TAFA1: variants seen among roughly 807,000 people sequenced by gnomAD.
TAFA1 encodes chemokine-like protein TAFA-1.
A neutral mutation model predicts 18.5 loss-of-function variants in TAFA1; 4 were observed. The observed-to-expected ratio is 0.22, with a 90% CI of 0.11 to 0.49. The LOEUF (loss-of-function observed/expected upper bound fraction) is 0.49. TAFA1 is among the 20% of genes least tolerant of loss of function. TAFA1 has a pLI of 0.98. For synonymous variants in TAFA1, 56 were observed against 55.2 expected (o/e 1.01, Z -0.06); for missense variants, 147 against 169.0 (o/e 0.87, Z 0.72).
At chr3:68,096,215 A>G (rs138807953) in intron 2 of TAFA1, among the ~76,000 whole-genome samples, 339 of 152,288 alleles carry the variant, frequency 2.2e-3, no homozygotes, top group Non-Finnish European at 3.8e-3. Context: ...TTTACTTAAC[A>G]TAATGATCTC....
intron 2 of TAFA1, among the ~76,000 whole-genome samples, chr3:68,238,412 G>A (rs928287397): frequency 1.3e-5 from 2 of 152,150 alleles, no homozygotes; most frequent in Admixed American, 6.5e-5. Context: ...CTGAAGAATC[G>A]GCAATGTGAT....
At chr3:68,145,893 G>A (rs2065734253) in intron 2 of TAFA1, among the ~76,000 whole-genome samples, 2 of 152,044 alleles carry the variant, frequency 1.3e-5, no homozygotes, top group Admixed American at 1.3e-4. Context: ...TCTTTCAAAG[G>A]GTATAGCCTC....
chr3:68,484,151 T>C (rs2106663988), intron 3 of TAFA1, among the ~76,000 whole-genome samples: 1 of 152,384 alleles, frequency 6.6e-6, no homozygotes, highest in South Asian at 2.1e-4. Context: ...ATAAAAATTA[T>C]TAACGAGTTA....
intron 2 of TAFA1, among the ~76,000 whole-genome samples, chr3:68,395,781 G>T (rs532593365): frequency 3.9e-5 from 6 of 152,074 alleles, no homozygotes; most frequent in African/African-American, 1.2e-4. Flanking sequence ...TCAGGGAGGG[G>T]AATATCACAC....
At chr3:68,369,138 A>G (rs991867750) in intron 2 of TAFA1, among the ~76,000 whole-genome samples, 2 of 152,166 alleles carry the variant, frequency 1.3e-5, no homozygotes, top group Non-Finnish European at 2.9e-5. Flanking sequence ...CCTAGTTAGA[A>G]GAGAGATGTT....
chr3:68,155,660 G>A (rs2065859550), intron 2 of TAFA1, among the ~76,000 whole-genome samples: 1 of 152,100 alleles, frequency 6.6e-6, no homozygotes. Context: ...TGGGCCACAA[G>A]TTGGAAATTA....
At chr3:68,209,674 TA>T (rs1167886737) in intron 2 of TAFA1, among the ~76,000 whole-genome samples, 1 of 152,072 alleles carries the variant, frequency 6.6e-6, no homozygotes, top group African/African-American at 2.4e-5. Flanking sequence ...TTTGCTTTTT[TA>T]AATTGTTAAA....
intron 2 of TAFA1, among the ~76,000 whole-genome samples, chr3:68,147,515 C>T (rs1044098676): frequency 2.0e-5 from 3 of 152,000 alleles, no homozygotes; most frequent in Admixed American, 6.6e-5. Flanking sequence ...ATGTTAAGCT[C>T]GCTTTCCTGA....
At chr3:68,449,409 T>C (rs1377604137) in intron 3 of TAFA1, among the ~76,000 whole-genome samples, 2 of 152,156 alleles carry the variant, frequency 1.3e-5, no homozygotes, top group African/African-American at 4.8e-5. Flanking sequence ...TGTTAGAGAA[T>C]GTAGGCGGTA....
At chr3:68,525,790 A>G (rs986939064) in intron 3 of TAFA1, among the ~76,000 whole-genome samples, 2 of 152,118 alleles carry the variant, frequency 1.3e-5, no homozygotes, top group Non-Finnish European at 2.9e-5. Context: ...TGAAGATATC[A>G]GTCTCCCCTA....
chr3:68,057,544 T>C (rs1173283604), intron 2 of TAFA1, among the ~76,000 whole-genome samples: 1 of 152,216 alleles, frequency 6.6e-6, no homozygotes, highest in Non-Finnish European at 1.5e-5. Flanking sequence ...TTTTATAACT[T>C]GGTCATTGCA....
chr3:68,485,335 A>T (rs894099999), intron 3 of TAFA1, among the ~76,000 whole-genome samples: 1 of 151,864 alleles, frequency 6.6e-6, no homozygotes, highest in Non-Finnish European at 1.5e-5. Flanking sequence ...CTCTACCCCA[A>T]CCCACACTAC....
intron 2 of TAFA1, among the ~76,000 whole-genome samples, chr3:68,102,367 C>T (rs1262633536): frequency 1.3e-5 from 2 of 152,142 alleles, no homozygotes; most frequent in African/African-American, 4.8e-5. Flanking sequence ...TCCCAGGTAA[C>T]TGTGATATTA....
chr3:68,223,117 A>C (rs180857097), intron 2 of TAFA1, among the ~76,000 whole-genome samples: 14 of 152,282 alleles, frequency 9.2e-5, no homozygotes, highest in African/African-American at 2.9e-4. Flanking sequence ...TTGGTGACTT[A>C]GGTAGGTATT....
the TAFA1 span, among the ~76,000 whole-genome samples, chr3:67,994,319 G>A: frequency 6.6e-6 from 1 of 152,206 alleles, no homozygotes; most frequent in African/African-American, 2.4e-5. Context: ...CCCAGCTCTA[G>A]GTAATACAGT....
chr3:68,100,208 G>A (rs1262405022), intron 2 of TAFA1, among the ~76,000 whole-genome samples: 3 of 152,156 alleles, frequency 2.0e-5, no homozygotes, highest in Admixed American at 1.3e-4. Flanking sequence ...AGAAAGGTCA[G>A]GCACAGTGGT....
chr3:68,483,331 T>A (rs2072272205), intron 3 of TAFA1, among the ~76,000 whole-genome samples: 1 of 152,150 alleles, frequency 6.6e-6, no homozygotes, highest in South Asian at 2.1e-4. Context: ...TCAACTGTAC[T>A]CTCGTAGCAG....
intron 2 of TAFA1, among the ~76,000 whole-genome samples, chr3:68,141,456 G>A (rs2065666159): frequency 6.6e-6 from 1 of 152,142 alleles, no homozygotes; most frequent in African/African-American, 2.4e-5. Context: ...AAGTGCAGTG[G>A]ATGCTTCTGT....
intron 2 of TAFA1, among the ~76,000 whole-genome samples, chr3:68,341,925 C>T (rs796852651): frequency 3.3e-5 from 5 of 152,266 alleles, no homozygotes; most frequent in African/African-American, 1.2e-4. Context: ...CCTGAAAAGG[C>T]CTTGAGTACC....
Sources: allele counts gnomAD v4.1 joint callset (sites outside exome capture counted in the v4.1 genomes callset), GRCh38; gene constraint gnomAD v4.1.1; transcripts MANE v1.5; gene names NCBI Gene and HGNC (gene_info 2026-07-23, HGNC 2026-07-21).